Variants in SBF2 observed in about 807,000 individuals in gnomAD.
SBF2 encodes the protein myotubularin-related protein 13.
Under a neutral mutation model 225.2 loss-of-function variants are expected in SBF2, and 112 were observed. The observed-to-expected ratio is 0.50, with a 90% CI of 0.43 to 0.58. The LOEUF is 0.58. Ranked by LOEUF, SBF2 falls within the 20% of genes least tolerant of loss-of-function variation. SBF2 has a pLI of 0.00. For synonymous variants in SBF2, 763 were observed against 773.3 expected, an observed-to-expected ratio of 0.99 and a Z score of 0.22; for missense variants, 1,996 against 2,206.2, an observed-to-expected ratio of 0.90 and a Z score of 1.91.
rs745944034 is a variant in SBF2, at chr11:10,274,378, T to C, written c.55+19637A>G. Among the ~76,000 whole-genome samples, 28 of 152,290 alleles carry C rather than the reference T, an allele frequency of 1.8e-4. No homozygotes were observed. In the Middle Eastern group the frequency reaches 0.014, roughly 74 times the overall value. On this transcript the variant is annotated intron_variant, in intron 1 of 39. Coordinates refer to ENST00000256190, the MANE Select transcript of SBF2 (RefSeq NM_030962.4). ...TTCAAGAGTCAGCAGGTTTCTGTAG[T>C]GTTTAAAATTACAGGGTTTTGTTTT...
At chr11:10,010,483 A>G (rs982285968) in intron 6 of SBF2, among the ~76,000 whole-genome samples, 5 of 152,208 alleles carry the variant, frequency 3.3e-5, no homozygotes, top group Non-Finnish European at 7.3e-5. Flanking sequence ...AACACCATTT[A>G]TTAAATAGGG....
chr11:10,013,145 A>G (rs1276194098), intron 6 of SBF2, among the ~76,000 whole-genome samples: 1 of 152,178 alleles, frequency 6.6e-6, no homozygotes, highest in Non-Finnish European at 1.5e-5. Flanking sequence ...TCTCCTCTTC[A>G]CAATTTCTCT....
At chr11:10,279,039 A>G (rs1203601633) in intron 1 of SBF2, among the ~76,000 whole-genome samples, 1 of 144,446 alleles carries the variant, frequency 6.9e-6, no homozygotes, top group Non-Finnish European at 1.5e-5. Flanking sequence ...TTGAGGCTGC[A>G]GTGAGCTATG....
chr11:10,030,301 G>T (rs1386688668), intron 4 of SBF2, among the ~76,000 whole-genome samples: 1 of 152,162 alleles, frequency 6.6e-6, no homozygotes, highest in Non-Finnish European at 1.5e-5. Flanking sequence ...AGAAAGGATT[G>T]CAAAACAGAG....
intron 1 of SBF2, among the ~76,000 whole-genome samples, chr11:10,244,370 G>C (rs1959550171): frequency 1.3e-5 from 2 of 152,180 alleles, no homozygotes; most frequent in South Asian, 2.1e-4. Context: ...TCTGTGAACA[G>C]ACTGTTCTTT....
At chr11:10,260,720 AG>A (rs1961346278) in intron 1 of SBF2, among the ~76,000 whole-genome samples, 1 of 150,322 alleles carries the variant, frequency 6.7e-6, no homozygotes, top group Non-Finnish European at 1.5e-5. Context: ...AAAAAAAAAA[AG>A]ATTTTAAAAA....
chr11:9,867,322 T>A (rs1007337081), intron 17 of SBF2, among the ~76,000 whole-genome samples: 1 of 151,980 alleles, frequency 6.6e-6, no homozygotes, highest in South Asian at 2.1e-4. Context: ...CCCAGTTAAA[T>A]TGAAAAACAC....
intron 1 of SBF2, among the ~76,000 whole-genome samples, chr11:10,221,118 T>A (rs1958324489): frequency 6.6e-6 from 1 of 151,328 alleles, no homozygotes; most frequent in African/African-American, 2.4e-5. Context: ...AGACTGTTAC[T>A]TCCTTTTTTT....
At chr11:10,194,745 A>C (rs1428837641) in intron 1 of SBF2, among the ~76,000 whole-genome samples, 1 of 152,086 alleles carries the variant, frequency 6.6e-6, no homozygotes, top group Non-Finnish European at 1.5e-5. Flanking sequence ...TCCTGACCTC[A>C]AGTGGTCCAC....
chr11:10,010,181 A>G (rs1948382088), intron 6 of SBF2, among the ~76,000 whole-genome samples: 1 of 152,220 alleles, frequency 6.6e-6, no homozygotes, highest in Non-Finnish European at 1.5e-5. Context: ...ATTTTCTCGC[A>G]TTCTGTAGGT....
rs1964620030 is a variant in SBF2, at chr11:10,303,608, C to T, written n.386+884G>A. 1 of 152,348 alleles carries T rather than the reference C, an allele frequency of 6.6e-6. No individual in the cohort carries two copies. The highest frequency in any genetic ancestry group is 1.5e-5 in the Non-Finnish European group (1 of 68,176). The allele number at this position is 152,348 out of a possible 1,614,324, so 9.4% of individuals were successfully genotyped here. A position where few individuals can be genotyped will look rare whatever the true frequency, so the allele number is the denominator to read the frequency against. On this transcript the variant is annotated intron_variant and non_coding_transcript_variant, in intron 1 of 5. Transcript: ENST00000685217. This position sits in a 1 kb window ranked among gnomAD's most constrained non-coding sequence, Gnocchi z 5.2. ...GGGGACCGGCTCTAAGATGGGGACT[C>T]GAGAGATGGGACATGACTCGCCCAC... is the stretch of plus-strand genomic sequence containing the variant.
chr11:10,130,900 T>C (rs949538069), intron 2 of SBF2, among the ~76,000 whole-genome samples: 2 of 152,182 alleles, frequency 1.3e-5, no homozygotes, highest in African/African-American at 4.8e-5. Context: ...CTACGAGATA[T>C]ACCATAGTAT....
rs762973514 is a variant in SBF2, at chr11:9,839,675, G to C, written c.3278C>G (p.Pro1093Arg). 1.2e-6 allele frequency: 2 copies of C among 1,613,226 alleles called. No homozygotes were observed. The highest frequency in any genetic ancestry group is 1.3e-5 in the African/African-American group (1 of 74,862). ...DVSVSDESELPTSTTLKASEK... is the reference protein window; with the variant it reads ...DVSVSDESELRTSTTLKASEK... ...GGAGGCCTTCAGGGTGGTACTTGTGGGGAGCTCACTCTCATCTGAAACTGT... is the reference window on the plus strand; with the variant it reads ...GGAGGCCTTCAGGGTGGTACTTGTGCGGAGCTCACTCTCATCTGAAACTGT... Residue 1093 changes from proline (P) to arginine (R), a missense_variant, in exon 26 of 40, where the codon CCC becomes CGC. Pro to Arg is a moderately radical substitution (Grantham distance 103). Transcript: ENST00000256190.
intron 14 of SBF2, among the ~76,000 whole-genome samples, chr11:9,964,494 C>T (rs1193493413): frequency 6.6e-6 from 1 of 152,110 alleles, no homozygotes; most frequent in Non-Finnish European, 1.5e-5. Flanking sequence ...ACTTTGTTTA[C>T]AACTAGTAAT....
chr11:10,015,937 C>G (rs565651423), intron 6 of SBF2, among the ~76,000 whole-genome samples: 31 of 152,076 alleles, frequency 2.0e-4, no homozygotes, highest in African/African-American at 6.5e-4. Flanking sequence ...CCCATCACTC[C>G]AGCTAATTTT....
At chr11:10,182,365 T>C (rs1330280393) in intron 2 of SBF2, among the ~76,000 whole-genome samples, 2 of 152,208 alleles carry the variant, frequency 1.3e-5, no homozygotes, top group Non-Finnish European at 2.9e-5. Flanking sequence ...AAATTATGTA[T>C]TTAAATATAC....
chr11:10,166,702 C>G (rs913493560), intron 2 of SBF2, among the ~76,000 whole-genome samples: 1 of 152,098 alleles, frequency 6.6e-6, no homozygotes, highest in Non-Finnish European at 1.5e-5. Flanking sequence ...GTGGCTCATT[C>G]CTGTAATCCT....
intron 16 of SBF2, among the ~76,000 whole-genome samples, chr11:9,933,790 G>A (rs939794059): frequency 2.0e-5 from 3 of 151,880 alleles, no homozygotes; most frequent in African/African-American, 7.3e-5. Flanking sequence ...GCTAGCAGAA[G>A]GCAAGAAATA....
intron 6 of SBF2, among the ~76,000 whole-genome samples, chr11:10,028,246 G>GA (rs1370386307): frequency 6.6e-6 from 1 of 151,574 alleles, no homozygotes; most frequent in Non-Finnish European, 1.5e-5. Flanking sequence ...CTGACCTAAG[G>GA]AAAAAAGGGG....
Sources: gnomAD v4.1 joint callset for allele counts (sites outside exome capture counted in the v4.1 genomes callset) on GRCh38, gnomAD v4.1.1 for gene constraint, Gnocchi (gnomAD v3.1) non-coding constraint, MANE v1.5 for transcripts, NCBI Gene and HGNC (gene_info 2026-07-23, HGNC 2026-07-21) for gene names.